Variants in SDK1 observed in about 807,000 individuals in gnomAD.
SDK1 encodes protein sidekick-1.
A neutral mutation model predicts 245.5 loss-of-function variants in SDK1; 157 were observed. That is an observed-to-expected ratio of 0.64 (90% CI 0.56 to 0.73). The LOEUF (loss-of-function observed/expected upper bound fraction) is 0.73, where lower values mean the gene tolerates loss of function less well. Among genes scored for constraint, SDK1 ranks in the 30% least tolerant of loss-of-function variants. The pLI is 0.00. For missense variants in SDK1, 3,583 were observed against 3,002.3 expected (o/e 1.19, Z -4.52); for synonymous variants, 1,647 against 1,278.5 (o/e 1.29, Z -6.15).
chr7:4,027,447 G>A (rs763819041), intron 17 of SDK1, among the ~76,000 whole-genome samples: 2 of 152,224 alleles, frequency 1.3e-5, no homozygotes, highest in Non-Finnish European at 2.9e-5. Flanking sequence ...TAAGTAGGAT[G>A]TAGAAATTGC....
At chr7:3,420,144 A>C (rs1458164992) in intron 1 of SDK1, among the ~76,000 whole-genome samples, 1 of 152,218 alleles carries the variant, frequency 6.6e-6, no homozygotes, top group Non-Finnish European at 1.5e-5. Flanking sequence ...AATGCTACTT[A>C]ATATTCAATG....
At chr7:3,828,475 C>T (rs1330249553) in intron 5 of SDK1, among the ~76,000 whole-genome samples, 1 of 151,614 alleles carries the variant, frequency 6.6e-6, no homozygotes, top group African/African-American at 2.4e-5. Context: ...TTGAGAGATG[C>T]ATTTCTAGTT....
At position 3,350,204 on chromosome 7, in the gene SDK1, A is replaced by T. The variant is rs534409763; in HGVS notation, c.298+48320A>T. Among the ~76,000 whole-genome samples the T allele has an allele frequency of 5.9e-4, 90 of 152,310 alleles. 2 individuals carry two copies. In the South Asian group the frequency reaches 0.018, roughly 31 times the overall value. On this transcript the variant is annotated intron_variant, in intron 1 of 44. Coordinates refer to ENST00000404826, the MANE Select transcript of SDK1 (RefSeq NM_152744.4). ...GTGGGAGACACTCAGTCTATCAGAA[A>T]ACATAGGATGGATGTGCCACAGAGG...
chr7:3,717,376 A>G (rs956919224), intron 4 of SDK1, among the ~76,000 whole-genome samples: 18 of 152,334 alleles, frequency 1.2e-4, no homozygotes, highest in African/African-American at 4.1e-4. Context: ...GAATAAAGGA[A>G]ACACTGAACT....
chr7:3,376,041 T>C (rs1007793719), intron 1 of SDK1, among the ~76,000 whole-genome samples: 11 of 152,060 alleles, frequency 7.2e-5, no homozygotes, highest in Non-Finnish European at 8.8e-5. Flanking sequence ...ATCAAGAAAA[T>C]TCCAGATGTG....
At chr7:3,472,030 C>T (rs557114547) in intron 1 of SDK1, among the ~76,000 whole-genome samples, 1 of 152,162 alleles carries the variant, frequency 6.6e-6, no homozygotes, top group African/African-American at 2.4e-5. Flanking sequence ...CGGTATGACC[C>T]TCTTGTGTTT....
intron 1 of SDK1, among the ~76,000 whole-genome samples, chr7:3,487,730 G>C (rs1475857551): frequency 1.5e-5 from 2 of 134,346 alleles, no homozygotes; most frequent in Non-Finnish European, 3.1e-5. Context: ...ATTGCAGCCT[G>C]GGCAACAGAG....
At chr7:4,065,715 T>TTTTTTTTTTTTTTTG in intron 19 of SDK1, among the ~76,000 whole-genome samples, 1 of 140,706 alleles carries the variant, frequency 7.1e-6, no homozygotes, top group Non-Finnish European at 1.5e-5. Context: ...TTTTTTTTTT[T>TTTTTTTTTTTTTTTG]TTTTTTTTTT....
At chr7:3,571,545 T>C (rs1328812975) in intron 1 of SDK1, among the ~76,000 whole-genome samples, 1 of 152,044 alleles carries the variant, frequency 6.6e-6, no homozygotes, top group Non-Finnish European at 1.5e-5. Flanking sequence ...GCTCAAGTGA[T>C]CTTCCTGCCT....
intron 35 of SDK1, among the ~76,000 whole-genome samples, chr7:4,199,164 G>C (rs1584426780): frequency 1.3e-5 from 2 of 152,300 alleles, no homozygotes; most frequent in South Asian, 4.1e-4. Flanking sequence ...GTTGAATTTT[G>C]TGTGTACAAA....
intron 1 of SDK1, among the ~76,000 whole-genome samples, chr7:3,376,375 T>G (rs1387348428): frequency 3.9e-5 from 6 of 152,108 alleles, no homozygotes; most frequent in Non-Finnish European, 8.8e-5. Context: ...GGGTGAAAGA[T>G]AAACCACCAA....
intron 17 of SDK1, 42 bp downstream of exon 17, chr7:4,017,394 C>T (rs371962947): frequency 8.1e-5 from 125 of 1,550,866 alleles, no homozygotes; most frequent in East Asian, 1.1e-4. Context: ...GGATCTTTGC[C>T]GGGGAATGGG....
intron 1 of SDK1, among the ~76,000 whole-genome samples, chr7:3,314,473 CATACACAAAG>C (rs1170210830): frequency 6.6e-6 from 1 of 152,148 alleles, no homozygotes; most frequent in Non-Finnish European, 1.5e-5. Flanking sequence ...TGAGATAAAG[CATACACAAAG>C]AGGCAAGTGG....
intron 4 of SDK1, among the ~76,000 whole-genome samples, chr7:3,696,572 T>TTGTG (rs71552319): frequency 0.013 from 1,932 of 147,972 alleles, 64 homozygotes; most frequent in Admixed American, 0.068. Flanking sequence ...TTCTCTGTGT[T>TTGTG]TGTGTGTGTG....
intron 5 of SDK1, among the ~76,000 whole-genome samples, chr7:3,861,789 G>T (rs75674676): frequency 2.0e-5 from 3 of 152,090 alleles, no homozygotes; most frequent in East Asian, 1.9e-4. Flanking sequence ...ACCCTCTCCC[G>T]TCAATGTGAA....
At chr7:3,370,663 C>A (rs184383624) in intron 1 of SDK1, among the ~76,000 whole-genome samples, 1 of 152,216 alleles carries the variant, frequency 6.6e-6, no homozygotes, top group Non-Finnish European at 1.5e-5. Flanking sequence ...GCAGAATGTT[C>A]TTCAATATGG....
intron 4 of SDK1, among the ~76,000 whole-genome samples, chr7:3,724,689 G>C (rs1257601456): frequency 1.3e-5 from 2 of 152,176 alleles, no homozygotes; most frequent in East Asian, 3.9e-4. Context: ...CTTCCATGAG[G>C]TGATTCAGAG....
At chr7:3,903,266 C>G (rs905025259) in intron 5 of SDK1, among the ~76,000 whole-genome samples, 2 of 151,868 alleles carry the variant, frequency 1.3e-5, no homozygotes, top group African/African-American at 4.8e-5. Flanking sequence ...GCCTCAGCCT[C>G]CCGAGTAGCT....
chr7:3,951,681 C>A, intron 6 of SDK1, 49 bp from the exon 7 acceptor site: 1 of 1,556,750 alleles, frequency 6.4e-7, no homozygotes, highest in South Asian at 1.1e-5. Context: ...TGACCGTTGC[C>A]ACCTCCCTGA....
Sources: allele counts gnomAD v4.1 joint callset (sites outside exome capture counted in the v4.1 genomes callset), GRCh38; gene constraint gnomAD v4.1.1; transcripts MANE v1.5; gene names NCBI Gene and HGNC (gene_info 2026-07-23, HGNC 2026-07-21).